CRPPA: variants seen among roughly 807,000 people sequenced by gnomAD.
CRPPA encodes CDP-L-ribitol pyrophosphorylase A, also known as D-ribitol-5-phosphate cytidylyltransferase.
Under a neutral mutation model 52.0 loss-of-function variants are expected in CRPPA, and 43 were observed. That is an observed-to-expected ratio of 0.83 (90% CI 0.65 to 1.07). The LOEUF (loss-of-function observed/expected upper bound fraction) is 1.07. Among genes scored for constraint, CRPPA ranks in the 50% least tolerant of loss-of-function variants. The pLI is 0.00. For synonymous variants in CRPPA, 250 were observed against 203.5 expected, an observed-to-expected ratio of 1.23 and a Z score of -1.94; for missense variants, 629 against 551.7, an observed-to-expected ratio of 1.14 and a Z score of -1.40.
chr7:16,123,984 G>A (rs910772419), intron 9 of CRPPA, among the ~76,000 whole-genome samples: 5 of 151,948 alleles, frequency 3.3e-5, no homozygotes, highest in Non-Finnish European at 7.4e-5. Context: ...TCCTATCTTG[G>A]CTATTGTGAA....
chr7:16,283,009 T>C (rs1365683652), intron 5 of CRPPA, among the ~76,000 whole-genome samples: 3 of 152,060 alleles, frequency 2.0e-5, no homozygotes, highest in Admixed American at 6.5e-5. Context: ...TTTCCTTTTA[T>C]ATTTTCAAAT....
chr7:16,328,797 G>A (rs1001100702), intron 3 of CRPPA, among the ~76,000 whole-genome samples: 4 of 152,142 alleles, frequency 2.6e-5, no homozygotes, highest in African/African-American at 7.2e-5. Context: ...TTACAAGCAT[G>A]AGCCACCATG....
chr7:16,240,759 AT>A (rs1208322595), intron 8 of CRPPA, among the ~76,000 whole-genome samples: 7 of 152,150 alleles, frequency 4.6e-5, no homozygotes, highest in Admixed American at 4.6e-4. Context: ...TAGTCTAGTA[AT>A]AATAGAGTTA....
intron 9 of CRPPA, among the ~76,000 whole-genome samples, chr7:16,103,318 AG>A (rs1403410676): frequency 6.6e-6 from 1 of 152,102 alleles, no homozygotes; most frequent in Admixed American, 6.5e-5. Flanking sequence ...GTGTGGGACT[AG>A]GGGAGGGATA....
rs558875731 is a variant in CRPPA, at chr7:16,159,653, G to T, written c.1251+56413C>A. On this transcript the variant is annotated intron_variant, in intron 9 of 9. Coordinates refer to ENST00000407010, the MANE Select transcript of CRPPA (RefSeq NM_001101426.4). Reference sequence around the variant, plus strand: ...TTCCAAGTCTTTGCTATTGTGAAAGGTGCTGCAATAAACATAAGTATGCAT... The same window carrying T: ...TTCCAAGTCTTTGCTATTGTGAAAGTTGCTGCAATAAACATAAGTATGCAT... 8.5e-5 allele frequency among the ~76,000 whole-genome samples: 13 copies of T among 152,278 alleles called. No individual in the cohort carries two copies. The South Asian group carries it at 2.7e-3, about 32-fold the overall frequency.
intron 8 of CRPPA, chr7:16,216,494 G>A (rs11980781): frequency 7.7e-6 from 2 of 259,882 alleles, no homozygotes; most frequent in Non-Finnish European, 1.5e-5. Context: ...GAGCGACGCA[G>A]AAGACGGGTG....
intron 9 of CRPPA, among the ~76,000 whole-genome samples, chr7:16,166,796 T>TA (rs1781075410): frequency 6.6e-6 from 1 of 152,104 alleles, no homozygotes. Context: ...CACTACTCTG[T>TA]AAAAACATCC....
At chr7:16,356,482 T>C (rs13237371) in intron 3 of CRPPA, among the ~76,000 whole-genome samples, 25,106 of 152,176 alleles carry the variant, frequency 0.16, 2,601 homozygotes, top group South Asian at 0.42. Flanking sequence ...CTCTGCTTTA[T>C]GTGGTACAAA....
rs34795937 is a variant in CRPPA, at chr7:16,209,273, C to CTTTTTTTTTTTTTTTTTTT, written c.1251+6792_1251+6793insAAAAAAAAAAAAAAAAAAA. The stretch of plus-strand genomic sequence containing the variant: ...GGCCAAGTAATACGGTTCTAAGTGT[C>CTTTTTTTTTTTTTTTTTTT]TTTTTTTTTTTTTTTTTGAGACGAG... On this transcript the variant is annotated intron_variant, in intron 9 of 9. Transcript: ENST00000407010. The CTTTTTTTTTTTTTTTTTTT allele has an allele frequency of 7.8e-3, 955 of 123,020 alleles. 143 individuals are homozygous for CTTTTTTTTTTTTTTTTTTT. Among genetic ancestry groups the CTTTTTTTTTTTTTTTTTTT allele is most frequent in the Admixed American group, 0.023 (201 of 8,814 alleles). 7.6% of individuals were successfully genotyped at this position (123,020 alleles called of 1,614,324 possible). A position where few individuals can be genotyped will look rare whatever the true frequency, so the allele number is the denominator to read the frequency against.
intron 3 of CRPPA, among the ~76,000 whole-genome samples, chr7:16,314,734 TC>T (rs1327375865): frequency 6.6e-6 from 1 of 152,128 alleles, no homozygotes; most frequent in Non-Finnish European, 1.5e-5. Context: ...TATTTTATTT[TC>T]TTCCTGCCTG....
chr7:16,416,372 G>A (rs756759364), intron 1 of CRPPA, among the ~76,000 whole-genome samples: 4 of 152,116 alleles, frequency 2.6e-5, no homozygotes, highest in Non-Finnish European at 5.9e-5. Context: ...ATTAACTCAA[G>A]ATAGATTAAA....
intron 3 of CRPPA, among the ~76,000 whole-genome samples, chr7:16,337,482 T>C (rs1196374308): frequency 6.6e-6 from 1 of 152,038 alleles, no homozygotes; most frequent in African/African-American, 2.4e-5. Context: ...GGCAAATTTA[T>C]AGCATTAAAC....
chr7:16,276,656 A>T (rs1562602593), intron 6 of CRPPA: 1 of 152,190 alleles, frequency 6.6e-6, no homozygotes, highest in Non-Finnish European at 1.5e-5. Flanking sequence ...CTATTGGAGG[A>T]TTAGTTCCAG....
At chr7:16,106,555 A>G (rs2128365788) in intron 9 of CRPPA, among the ~76,000 whole-genome samples, 1 of 152,310 alleles carries the variant, frequency 6.6e-6, no homozygotes, top group African/African-American at 2.4e-5. Flanking sequence ...CCAACTGGAG[A>G]ACTCACAACA....
At chr7:16,107,750 T>A (rs762695291) in intron 9 of CRPPA, among the ~76,000 whole-genome samples, 2 of 152,076 alleles carry the variant, frequency 1.3e-5, no homozygotes, top group African/African-American at 2.4e-5. Context: ...AGACCTAGTA[T>A]GAGGGTTTTA....
At chr7:16,403,014 T>C (rs936386052) in intron 2 of CRPPA, among the ~76,000 whole-genome samples, 5 of 152,096 alleles carry the variant, frequency 3.3e-5, no homozygotes, top group Non-Finnish European at 7.4e-5. Flanking sequence ...AAATAAATTA[T>C]CTAAGCATTC....
At chr7:16,381,469 T>G in intron 2 of CRPPA, among the ~76,000 whole-genome samples, 1 of 150,638 alleles carries the variant, frequency 6.6e-6, no homozygotes, top group South Asian at 2.1e-4. Flanking sequence ...TATATTCTGT[T>G]GATTTGGGGT....
chr7:16,258,401 C>T lies in CRPPA; in HGVS notation c.1108G>A (p.Val370Ile). 6.3e-7 allele frequency: 1 copy of T among 1,595,410 alleles called. No homozygotes were observed. The highest frequency in any genetic ancestry group is 8.6e-7 in the Non-Finnish European group (1 of 1,169,192). ...ESSLCILYPV[V>I]VVSVHFLDFK... is the part of the protein sequence containing the mutation. ...TTAATTTCACTTACTGAAACAACAACAACAGGATATAAAATGCAAAGACTA... is the reference window on the plus strand; with the variant it reads ...TTAATTTCACTTACTGAAACAACAATAACAGGATATAAAATGCAAAGACTA... The change falls in exon 8 of 10, where the codon GTT becomes ATT. Residue 370 changes from valine to isoleucine, a missense_variant. Transcript: ENST00000407010.
chr7:16,286,186 G>A (rs797001179), intron 5 of CRPPA, among the ~76,000 whole-genome samples: 4 of 145,734 alleles, frequency 2.7e-5, no homozygotes, highest in African/African-American at 1.0e-4. Flanking sequence ...CAACTTGACT[G>A]GACCACAGGG....
Sources: gnomAD v4.1 joint callset for allele counts (sites outside exome capture counted in the v4.1 genomes callset) on GRCh38, gnomAD v4.1.1 for gene constraint, MANE v1.5 for transcripts, NCBI Gene and HGNC (gene_info 2026-07-23, HGNC 2026-07-21) for gene names.